DRC1: variants seen among roughly 807,000 people sequenced by gnomAD.
DRC1 encodes the protein dynein regulatory complex subunit 1.
A neutral mutation model predicts 98.7 loss-of-function variants in DRC1; 74 were observed. The ratio of observed to expected loss-of-function variants is 0.75; its 90% CI spans 0.62 to 0.91. DRC1 has a LOEUF of 0.91. DRC1 is among the 40% of genes least tolerant of loss of function. DRC1 has a pLI of 0.00. For synonymous variants in DRC1, 336 were observed against 334.1 expected (o/e 1.01, Z -0.06); for missense variants, 875 against 886.0 (o/e 0.99, Z 0.16).
intron 1 of DRC1, among the ~76,000 whole-genome samples, chr2:26,409,880 C>T (rs1678542295): frequency 6.6e-6 from 1 of 151,888 alleles, no homozygotes. Context: ...AAGTCTTTAA[C>T]ATGAATGGTA....
chr2:26,427,628 C>A (rs572051086), intron 4 of DRC1, among the ~76,000 whole-genome samples: 6 of 152,060 alleles, frequency 3.9e-5, no homozygotes, highest in Non-Finnish European at 7.4e-5. Context: ...ATCTAGCTGA[C>A]CTTAGTCACG....
Position 26,450,085 on chromosome 2 carries a change from C to CGT in DRC1, c.1599+2_1599+3dup. ...TGCTGAGGCTGGATGCCATCTTCTC[C>CGT]GTGAGTCCAACGGGGCTGGGAGGAC... On this transcript the variant is annotated frameshift_variant and splice_region_variant. Transcript: ENST00000288710. LOFTEE classifies it high-confidence loss of function. 6.2e-7 allele frequency: 1 copy of CGT among 1,612,214 alleles called. No individual in the cohort carries two copies.
chr2:26,442,806 A>C (rs1663751003), intron 8 of DRC1, among the ~76,000 whole-genome samples: 1 of 152,088 alleles, frequency 6.6e-6, no homozygotes, highest in African/African-American at 2.4e-5. Context: ...GCTTCCAGGC[A>C]CTAAGAACTC....
Position 26,456,650 on chromosome 2 carries a change from C to T in DRC1, c.*133C>T, listed in dbSNP as rs571996343. On this transcript the variant is annotated 3_prime_UTR_variant, in exon 17 of 17. Transcript: ENST00000288710. ...TTCCAGGGCTGTCTTTATAGCCTGT[C>T]GAAATAAGGAGCCAGAGGAGTTACC... is the stretch of plus-strand genomic sequence containing the variant. 9 of 1,007,324 alleles carry T rather than the reference C, an allele frequency of 8.9e-6. No homozygotes were observed. In the East Asian group the frequency reaches 1.2e-4, roughly 14 times the overall value. 62.4% of individuals were successfully genotyped at this position (1,007,324 alleles called of 1,614,324 possible).
chr2:26,454,054 G>A lies in DRC1; in HGVS notation c.1919+505G>A, dbSNP rs1314699514. On this transcript the variant is annotated intron_variant, in intron 14 of 16. Transcript: ENST00000288710. This position sits in a 1 kb window ranked among gnomAD's most constrained non-coding sequence, Gnocchi z 5.2. ...GTCTGGCTGGAGTGTCAAGGGCCTG[G>A]GAGGTGGCACTGGTGGGTGGGGAGC... is the stretch of plus-strand genomic sequence containing the variant. 1.3e-5 allele frequency among the ~76,000 whole-genome samples: 2 copies of A among 152,210 alleles called. No individual in the cohort carries two copies. The highest frequency in any genetic ancestry group is 2.9e-5 in the Non-Finnish European group (2 of 68,034).
At position 26,450,870 on chromosome 2, in the gene DRC1, C is replaced by T. The variant is rs140625554; in HGVS notation, c.1689+189C>T. 0.047 allele frequency among the ~76,000 whole-genome samples: 2,554 copies of T among 54,578 alleles called. 37 individuals carry two copies. The highest frequency in any genetic ancestry group is 0.13 in the African/African-American group (2,330 of 17,542). 35.8% of individuals were successfully genotyped at this position (54,578 alleles called of 152,430 possible). The stretch of plus-strand genomic sequence containing the variant: ...CATTAGGTATTTCTCCTAATGTTAT[C>T]CCTCCCCTAGCCCCCACCCCCCGAC... On this transcript the variant is annotated intron_variant, in intron 13 of 16. Transcript: ENST00000288710.
At position 26,453,498 on chromosome 2, in the gene DRC1, A is replaced by C; in HGVS notation, c.1868A>C (p.Asn623Thr). The C allele has an allele frequency of 1.2e-6, 2 of 1,614,206 alleles. No individual in the cohort carries two copies. The highest frequency in any genetic ancestry group is 2.2e-5 in the South Asian group (2 of 91,080). Residue 623 changes from asparagine to threonine, a missense_variant, in exon 14 of 17, where the codon AAT (asparagine) becomes ACT (threonine). Asn to Thr is a moderately conservative substitution (Grantham distance 65). Coordinates refer to ENST00000288710, the MANE Select transcript of DRC1 (RefSeq NM_145038.5). Reference sequence around the variant, plus strand: ...CCCTCCCCCTGGGTCATCCACCCCAATGATGTCCTCAAGATTCTGGAGGCC... The same window carrying C: ...CCCTCCCCCTGGGTCATCCACCCCACTGATGTCCTCAAGATTCTGGAGGCC... Reference protein sequence around the residue: ...TPPSPWVIHPNDVLKILEAFV... With the variant: ...TPPSPWVIHPTDVLKILEAFV...
intron 7 of DRC1, among the ~76,000 whole-genome samples, chr2:26,437,708 A>ATAT (rs1663608044): frequency 6.6e-6 from 1 of 152,150 alleles, no homozygotes; most frequent in Non-Finnish European, 1.5e-5. Flanking sequence ...AAGTATATAT[A>ATAT]ACTATATATA....
At chr2:26,407,124 G>T (rs970050422) in intron 1 of DRC1, among the ~76,000 whole-genome samples, 6 of 152,046 alleles carry the variant, frequency 3.9e-5, no homozygotes, top group Non-Finnish European at 7.4e-5. Context: ...CCAGCCGGGA[G>T]ATGTCACTTC....
At chr2:26,429,185 G>GATTATTATT (rs10555604) in intron 4 of DRC1, among the ~76,000 whole-genome samples, 3 of 30,892 alleles carry the variant, frequency 9.7e-5, no homozygotes, top group East Asian at 2.8e-4. Flanking sequence ...TTGTACAGAT[G>GATTATTATT]ATTATTATTA....
At chr2:26,453,823 T>C (rs1158550813) in intron 14 of DRC1, among the ~76,000 whole-genome samples, 3 of 152,212 alleles carry the variant, frequency 2.0e-5, no homozygotes, top group African/African-American at 4.8e-5. Flanking sequence ...GGGCACTGCC[T>C]TGTGATCAGA....
At chr2:26,436,044 A>C (rs1181333635) in intron 7 of DRC1, among the ~76,000 whole-genome samples, 2 of 152,088 alleles carry the variant, frequency 1.3e-5, no homozygotes, top group Non-Finnish European at 2.9e-5. Flanking sequence ...ACTGCTTTCT[A>C]CAATGCCTGA....
At chr2:26,453,805 C>T (rs1471629077) in intron 14 of DRC1, among the ~76,000 whole-genome samples, 1 of 152,240 alleles carries the variant, frequency 6.6e-6, no homozygotes, top group Non-Finnish European at 1.5e-5. Context: ...CATGTGTAAG[C>T]ACTGTGGGGG....
chr2:26,424,260 T>C lies in DRC1; in HGVS notation c.357-11T>C, dbSNP rs1426729326. On this transcript the variant is annotated splice_polypyrimidine_tract_variant and intron_variant, in intron 3 of 16. Transcript: ENST00000288710. Reference sequence around the variant, plus strand: ...GCTGGGTTGGCATGGCTGGCATGTATGTATTTGCAGGATTGAGAAGCTGGA... The same window carrying C: ...GCTGGGTTGGCATGGCTGGCATGTACGTATTTGCAGGATTGAGAAGCTGGA... 1.2e-6 allele frequency: 2 copies of C among 1,613,792 alleles called. No homozygotes were observed. Among genetic ancestry groups the C allele is most frequent in the Non-Finnish European group, 1.7e-6 (2 of 1,179,878 alleles).
Position 26,456,545 on chromosome 2 carries a change from G to C in DRC1, c.*28G>C, listed in dbSNP as rs1318809177. On this transcript the variant is annotated 3_prime_UTR_variant, in exon 17 of 17. Coordinates refer to ENST00000288710, the MANE Select transcript of DRC1 (RefSeq NM_145038.5). Reference sequence around the variant, plus strand: ...TGGACCGCCAAAGGCTGATGTGTTAGGGCTGGCCTGATGCTGGTGTCTGTG... The same window carrying C: ...TGGACCGCCAAAGGCTGATGTGTTACGGCTGGCCTGATGCTGGTGTCTGTG... 6.2e-7 allele frequency: 1 copy of C among 1,613,628 alleles called. No homozygotes were observed. The highest frequency in any genetic ancestry group is 1.7e-5 in the Admixed American group (1 of 59,980).
At chr2:26,428,814 G>T (rs1024688372) in intron 4 of DRC1, among the ~76,000 whole-genome samples, 4 of 151,928 alleles carry the variant, frequency 2.6e-5, no homozygotes, top group African/African-American at 7.3e-5. Flanking sequence ...AAAAAATACC[G>T]TATTATAATC....
At chr2:26,427,243 A>G (rs942289338) in intron 4 of DRC1, among the ~76,000 whole-genome samples, 1 of 151,952 alleles carries the variant, frequency 6.6e-6, no homozygotes, top group Admixed American at 6.6e-5. Context: ...CAGCCTCCCA[A>G]GTAGCTGGGA....
chr2:26,448,475 G>A (rs781127217), intron 10 of DRC1: 14 of 686,516 alleles, frequency 2.0e-5, no homozygotes, highest in Admixed American at 1.6e-4. Flanking sequence ...GGGAATGGCC[G>A]AGTTCTCCAG....
At position 26,441,061 on chromosome 2, in the gene DRC1, C is replaced by T. The variant is rs138381535; in HGVS notation, c.1028+544C>T. Among the ~76,000 whole-genome samples, 23 of 152,302 alleles carry T rather than the reference C, an allele frequency of 1.5e-4. No homozygotes were observed. The East Asian group carries it at 3.1e-3, about 20-fold the overall frequency. On this transcript the variant is annotated intron_variant, in intron 8 of 16. Coordinates refer to ENST00000288710, the MANE Select transcript of DRC1 (RefSeq NM_145038.5). ...TGCCAGTTTGCTTTTGTGGAGATAC[C>T]GTGGCTCACTGAAAGGTACCTATTG...
Sources: gnomAD v4.1 joint callset for allele counts (sites outside exome capture counted in the v4.1 genomes callset) on GRCh38, gnomAD v4.1.1 for gene constraint, Gnocchi (gnomAD v3.1) non-coding constraint, MANE v1.5 for transcripts, NCBI Gene and HGNC (gene_info 2026-07-23, HGNC 2026-07-21) for gene names.